SLC4A4: variants seen among roughly 807,000 people sequenced by gnomAD.
SLC4A4 encodes solute carrier family 4 member 4, also known as electrogenic sodium bicarbonate cotransporter 1.
SLC4A4 carries 27 observed loss-of-function variants against 111.5 expected under a neutral mutation model. That is an observed-to-expected ratio of 0.24 (90% confidence interval 0.18 to 0.33). The LOEUF is 0.33. Ranked by LOEUF, SLC4A4 falls within the 10% of genes least tolerant of loss-of-function variation. The probability of loss-of-function intolerance (pLI) is 1.00; values close to 1 mark genes in which losing one functional copy is unlikely to be tolerated. For synonymous variants in SLC4A4, 443 were observed against 463.4 expected (o/e 0.96, Z 0.57); for missense variants, 909 against 1,315.5 (o/e 0.69, Z 4.78).
intron 23 of SLC4A4, among the ~76,000 whole-genome samples, chr4:71,561,061 G>A (rs1354147724): frequency 6.6e-6 from 1 of 151,656 alleles, no homozygotes; most frequent in Non-Finnish European, 1.5e-5. Context: ...CCAAAATAAT[G>A]TTTTCCATTT....
At position 71,542,790 on chromosome 4, in the gene SLC4A4, A is replaced by T. The variant is rs75264429; in HGVS notation, c.2443-3560A>T. Among the ~76,000 whole-genome samples the T allele has an allele frequency of 4.7e-3, 715 of 152,182 alleles. 6 individuals carry two copies. The highest frequency in any genetic ancestry group is 0.015 in the African/African-American group (613 of 41,532). On this transcript the variant is annotated intron_variant, in intron 18 of 25. Transcript: ENST00000264485. ...GGTTTTATAAACACCTGTTGTTTTG[A>T]CCAGCTCTACCATTCCAGTAAACCA...
chr4:71,567,787 G>T lies in SLC4A4; in HGVS notation c.*37-1G>T, dbSNP rs1161355897. On this transcript the variant is annotated splice_acceptor_variant, in intron 25 of 25. Transcript: ENST00000264485. LOFTEE classifies it low-confidence loss of function (3UTR_SPLICE). The stretch of plus-strand genomic sequence containing the variant: ...TACTTTTTTTTTTCCTTTTTCTCTA[G>T]TCCTCCTAGAACTCCAGTAAAAGTT... The T allele has an allele frequency of 4.2e-6, 6 of 1,426,054 alleles. No homozygotes were observed. The highest frequency in any genetic ancestry group is 1.5e-5 in the African/African-American group (1 of 68,378). 88.3% of individuals were successfully genotyped at this position (1,426,054 alleles called of 1,614,324 possible).
At chr4:71,359,034 G>A (rs1730529956) in intron 6 of SLC4A4, among the ~76,000 whole-genome samples, 2 of 152,198 alleles carry the variant, frequency 1.3e-5, no homozygotes, top group South Asian at 4.1e-4. Flanking sequence ...CATGCAGGAG[G>A]CTTTCTACCA....
intron 2 of SLC4A4, among the ~76,000 whole-genome samples, chr4:71,134,603 A>G (rs1743795030): frequency 6.6e-6 from 1 of 152,198 alleles, no homozygotes; most frequent in African/African-American, 2.4e-5. Flanking sequence ...CTAGCCTTTC[A>G]ATATCACTGA....
At chr4:71,305,342 C>T (rs566804110) in intron 3 of SLC4A4, among the ~76,000 whole-genome samples, 1 of 152,300 alleles carries the variant, frequency 6.6e-6, no homozygotes, top group Non-Finnish European at 1.5e-5. Context: ...TTAGATTGAG[C>T]TACTTAAGAG....
chr4:71,124,153 A>C (rs971761170), intron 2 of SLC4A4, among the ~76,000 whole-genome samples: 6 of 149,538 alleles, frequency 4.0e-5, no homozygotes, highest in African/African-American at 1.5e-4. Context: ...ATATCAGTTA[A>C]TCAAACACCC....
intron 1 of SLC4A4, among the ~76,000 whole-genome samples, chr4:71,189,446 A>T (rs1745634403): frequency 6.6e-6 from 1 of 152,214 alleles, no homozygotes; most frequent in African/African-American, 2.4e-5. Context: ...AAATAAAGGC[A>T]ATCAGATTTA....
At chr4:71,299,641 C>T (rs540078314) in intron 3 of SLC4A4, among the ~76,000 whole-genome samples, 1 of 152,316 alleles carries the variant, frequency 6.6e-6, no homozygotes, top group Non-Finnish European at 1.5e-5. Context: ...GTTTCCAGAA[C>T]AAAGGCTTGA....
At chr4:71,299,551 G>A (rs1009426188) in intron 3 of SLC4A4, among the ~76,000 whole-genome samples, 3 of 152,210 alleles carry the variant, frequency 2.0e-5, no homozygotes, top group Admixed American at 6.5e-5. Flanking sequence ...AGGATGATCA[G>A]AGAGGTCAGG....
chr4:71,452,595 AC>A (rs1013315391), intron 11 of SLC4A4, among the ~76,000 whole-genome samples: 2 of 152,178 alleles, frequency 1.3e-5, no homozygotes, highest in Non-Finnish European at 2.9e-5. Context: ...CAAGGTCAAG[AC>A]TTCGGAGAGC....
chr4:71,197,670 A>G (rs1003493672), intron 1 of SLC4A4, among the ~76,000 whole-genome samples: 12 of 152,242 alleles, frequency 7.9e-5, no homozygotes, highest in Non-Finnish European at 1.2e-4. Context: ...GCACATGTAT[A>G]CATATGTAAC....
At chr4:71,238,291 G>A (rs569871933) in intron 2 of SLC4A4, among the ~76,000 whole-genome samples, 1 of 152,178 alleles carries the variant, frequency 6.6e-6, no homozygotes, top group Non-Finnish European at 1.5e-5. Flanking sequence ...ACTGAAATAG[G>A]ATATTGTATA....
At chr4:71,295,978 G>T (rs546653128) in intron 3 of SLC4A4, among the ~76,000 whole-genome samples, 10 of 152,170 alleles carry the variant, frequency 6.6e-5, no homozygotes, top group African/African-American at 2.4e-4. Flanking sequence ...CCATTTCTAA[G>T]GCATTGTATC....
At chr4:71,313,630 C>T (rs1241244633) in intron 3 of SLC4A4, among the ~76,000 whole-genome samples, 1 of 152,120 alleles carries the variant, frequency 6.6e-6, no homozygotes, top group African/African-American at 2.4e-5. Flanking sequence ...TATCTACAGC[C>T]ATCTGATCTT....
intron 2 of SLC4A4, among the ~76,000 whole-genome samples, chr4:71,109,484 C>T (rs968780738): frequency 2.6e-5 from 4 of 152,004 alleles, no homozygotes; most frequent in African/African-American, 7.2e-5. Context: ...CAGCAATCAA[C>T]GATTGGAGCT....
At chr4:71,534,491 T>C (rs115723077) in intron 18 of SLC4A4, 103 bp downstream of exon 18, 392 of 1,083,234 alleles carry the variant, frequency 3.6e-4, no homozygotes, top group East Asian at 1.0e-3. Flanking sequence ...GGAGTTACTA[T>C]AGCTAATGTT....
At chr4:71,169,668 T>G (rs1204339081) in intron 2 of SLC4A4, among the ~76,000 whole-genome samples, 1 of 152,158 alleles carries the variant, frequency 6.6e-6, no homozygotes, top group Non-Finnish European at 1.5e-5. Flanking sequence ...CTTCACTTTG[T>G]CAATAAGACT....
chr4:71,139,035 C>CAAA lies in SLC4A4; in HGVS notation c.-2+46265_-2+46267dup, dbSNP rs5859250. Among the ~76,000 whole-genome samples, 298 of 42,630 alleles carry CAAA rather than the reference C, an allele frequency of 7.0e-3. 21 individuals carry two copies. Among genetic ancestry groups the CAAA allele is most frequent in the African/African-American group, 0.018 (185 of 10,216 alleles). 28.0% of individuals were successfully genotyped at this position (42,630 alleles called of 152,430 possible). A position where few individuals can be genotyped will look rare whatever the true frequency, so the allele number is the denominator to read the frequency against. On this transcript the variant is annotated intron_variant, in intron 2 of 26. Transcript: ENST00000649996. The stretch of plus-strand genomic sequence containing the variant: ...TGGGCGACAGAGTGAGACTCCGTCT[C>CAAA]AAAAAAAAAAAAAAAAAAAAAAAAG...
chr4:71,331,538 C>A (rs1281785280), intron 3 of SLC4A4, among the ~76,000 whole-genome samples: 1 of 147,878 alleles, frequency 6.8e-6, no homozygotes, highest in Non-Finnish European at 1.5e-5. Flanking sequence ...CAATGAGAAC[C>A]CTTGGACACA....
Sources: allele counts gnomAD v4.1 joint callset (sites outside exome capture counted in the v4.1 genomes callset), GRCh38; gene constraint gnomAD v4.1.1; transcripts MANE v1.5; gene names NCBI Gene and HGNC (gene_info 2026-07-23, HGNC 2026-07-21).